The following FAM169A variants were observed in gnomAD, a reference collection of about 807,000 sequenced individuals.
FAM169A encodes family with sequence similarity 169 member A.
A neutral mutation model predicts 75.7 loss-of-function variants in FAM169A; 24 were observed. The observed-to-expected ratio is 0.32, with a 90% confidence interval of 0.23 to 0.45. The LOEUF (loss-of-function observed/expected upper bound fraction) is 0.45. Ranked by LOEUF, FAM169A falls within the 20% of genes least tolerant of loss-of-function variation. The probability of loss-of-function intolerance (pLI) is 1.00; values close to 1 mark genes in which losing one functional copy is unlikely to be tolerated. For synonymous variants in FAM169A, 271 were observed against 271.0 expected (o/e 1.00, Z 0.00); for missense variants, 673 against 784.0 (o/e 0.86, Z 1.69).
intron 1 of FAM169A, among the ~76,000 whole-genome samples, chr5:74,849,231 A>C (rs1749314539): frequency 6.6e-6 from 1 of 152,128 alleles, no homozygotes; most frequent in African/African-American, 2.4e-5. Flanking sequence ...CCTTTTTCCC[A>C]AAAAAATTAT....
chr5:74,791,060 T>C (rs1472609632), intron 11 of FAM169A, among the ~76,000 whole-genome samples: 1 of 152,224 alleles, frequency 6.6e-6, no homozygotes, highest in East Asian at 1.9e-4. Flanking sequence ...GCACTCACTT[T>C]ACGGCAAAAG....
At chr5:74,805,382 T>C (rs1242514544) in intron 6 of FAM169A, 98 bp from the exon 7 acceptor site, 1 of 1,048,534 alleles carries the variant, frequency 9.5e-7, no homozygotes, top group African/African-American at 1.6e-5. Context: ...TTAACGGGGC[T>C]AGCATAACCT....
rs533004138 is a variant in FAM169A at position 74,845,840 on chromosome 5, TA to T, written c.-3-4162del. On this transcript the variant is annotated intron_variant, in intron 1 of 12. Coordinates refer to ENST00000687041, the MANE Select transcript of FAM169A (RefSeq NM_001376049.1). ...AGAAAAGGATCACAAAATAAAACAG[TA>T]GCTCTATTGTGAAGGAAGCTTCTTT... Among the ~76,000 whole-genome samples the T allele has an allele frequency of 7.9e-5, 12 of 152,312 alleles. No individual in the cohort carries two copies. The South Asian group carries it at 2.3e-3, about 29-fold the overall frequency.
intron 11 of FAM169A, among the ~76,000 whole-genome samples, chr5:74,792,191 G>A (rs1746012032): frequency 6.6e-6 from 1 of 152,142 alleles, no homozygotes; most frequent in African/African-American, 2.4e-5. Flanking sequence ...GGCTGACAAG[G>A]GGTAGACTTG....
intron 12 of FAM169A, among the ~76,000 whole-genome samples, chr5:74,782,301 AAAACCATGAATCAACTCAGTT>A (rs1366009292): frequency 1.3e-5 from 2 of 152,224 alleles, no homozygotes; most frequent in Non-Finnish European, 2.9e-5. Context: ...AAGATTCTTT[AAAACCATGAATCAACTCAGTT>A]TTTTTAGTTT....
chr5:74,796,943 C>T (rs1289801507), intron 10 of FAM169A, among the ~76,000 whole-genome samples: 1 of 152,140 alleles, frequency 6.6e-6, no homozygotes, highest in Non-Finnish European at 1.5e-5. Context: ...ATATTCCTGA[C>T]TTTCTATGCC....
chr5:74,843,658 T>C (rs1277536552), intron 1 of FAM169A, among the ~76,000 whole-genome samples: 1 of 152,224 alleles, frequency 6.6e-6, no homozygotes, highest in Admixed American at 6.5e-5. Flanking sequence ...TTCTTATATT[T>C]GAAATCATTC....
chr5:74,850,060 G>A (rs751558551), intron 1 of FAM169A, among the ~76,000 whole-genome samples: 3 of 152,296 alleles, frequency 2.0e-5, no homozygotes, highest in Non-Finnish European at 2.9e-5. Context: ...CCACTAATCC[G>A]ATAGTGGACT....
intron 1 of FAM169A, among the ~76,000 whole-genome samples, chr5:74,854,094 G>A (rs1425797342): frequency 6.6e-6 from 1 of 151,820 alleles, no homozygotes; most frequent in Admixed American, 6.6e-5. Flanking sequence ...ATCACACCAG[G>A]GTAAATAATC....
intron 6 of FAM169A, among the ~76,000 whole-genome samples, chr5:74,808,353 G>A (rs1746994609): frequency 6.6e-6 from 1 of 152,198 alleles, no homozygotes; most frequent in African/African-American, 2.4e-5. Flanking sequence ...AAGACATTAT[G>A]TTTAGTGAAG....
chr5:74,857,842 G>T (rs985879031), intron 1 of FAM169A, among the ~76,000 whole-genome samples: 2 of 152,042 alleles, frequency 1.3e-5, no homozygotes, highest in Non-Finnish European at 1.5e-5. Flanking sequence ...TCTGCCCATT[G>T]TAAGTACTGT....
chr5:74,810,708 C>A (rs1747135808), intron 6 of FAM169A, among the ~76,000 whole-genome samples: 1 of 130,814 alleles, frequency 7.6e-6, no homozygotes. Context: ...CGAGTTTGTG[C>A]CACTGCACTC....
upstream of FAM169A, chr5:74,866,458 G>T: frequency 1.2e-6 from 1 of 854,536 alleles, no homozygotes; most frequent in Non-Finnish European, 1.4e-6. Context: ...CCGCCCGCCA[G>T]CGCGGAGCGG....
chr5:74,842,903 A>G (rs1052250020), intron 1 of FAM169A, among the ~76,000 whole-genome samples: 1 of 152,164 alleles, frequency 6.6e-6, no homozygotes, highest in Admixed American at 6.6e-5. Context: ...AGCTATTGCT[A>G]TATCTATTAT....
rs553143914 is a variant in FAM169A, at chr5:74,819,691, G to C, written c.491-5672C>G. On this transcript the variant is annotated intron_variant, in intron 5 of 12. Transcript: ENST00000687041. ...TTTATCAACTGATAACAAAACTGGT[G>C]TATCTATACAAGGTAATACTATTTG... Among the ~76,000 whole-genome samples, 5 of 152,270 alleles carry C rather than the reference G, an allele frequency of 3.3e-5. No homozygotes were observed. The East Asian group carries it at 9.6e-4, about 29-fold the overall frequency.
chr5:74,859,584 G>A (rs1243898534), intron 1 of FAM169A, among the ~76,000 whole-genome samples: 2 of 152,048 alleles, frequency 1.3e-5, no homozygotes, highest in South Asian at 2.1e-4. Flanking sequence ...CACCACGCCC[G>A]GCGAAGGTTT....
chr5:74,799,769 C>T (rs567453068), intron 10 of FAM169A: 30 of 1,120,640 alleles, frequency 2.7e-5, no homozygotes, highest in South Asian at 2.6e-4. Context: ...CAGACAACAG[C>T]GCCGTGGCTG....
At chr5:74,782,867 C>A in intron 12 of FAM169A, 64 bp downstream of exon 12, 1 of 1,205,456 alleles carries the variant, frequency 8.3e-7, no homozygotes, top group Middle Eastern at 2.7e-4. Flanking sequence ...ATACCATGCA[C>A]CCTCCTCGCT....
intron 5 of FAM169A, among the ~76,000 whole-genome samples, chr5:74,830,703 A>G (rs1748269809): frequency 2.0e-5 from 3 of 152,154 alleles, no homozygotes; most frequent in South Asian, 4.1e-4. Flanking sequence ...CAGGGAATAC[A>G]TAATTTTTAC....
Sources: gnomAD v4.1 joint callset for allele counts (sites outside exome capture counted in the v4.1 genomes callset) on GRCh38, gnomAD v4.1.1 for gene constraint, MANE v1.5 for transcripts, NCBI Gene and HGNC (gene_info 2026-07-23, HGNC 2026-07-21) for gene names.